Variants in FOXP2 observed in about 807,000 individuals in gnomAD.
FOXP2 encodes forkhead box P2.
Under a neutral mutation model 115.8 loss-of-function variants are expected in FOXP2, and 12 were observed. That is an observed-to-expected ratio of 0.10 (90% CI 0.07 to 0.17). The LOEUF (loss-of-function observed/expected upper bound fraction) is 0.17. FOXP2 is among the 10% of genes least tolerant of loss of function. The pLI is 1.00. For missense variants in FOXP2, 629 were observed against 843.5 expected (o/e 0.75, Z 3.15); for synonymous variants, 328 against 297.7 (o/e 1.10, Z -1.05).
chr7:114,512,418 A>C (rs1798121438), intron 2 of FOXP2, among the ~76,000 whole-genome samples: 1 of 152,112 alleles, frequency 6.6e-6, no homozygotes, highest in Admixed American at 6.6e-5. Flanking sequence ...GACTTAAGTA[A>C]TACTAACAGA....
chr7:114,253,729 G>T (rs549182359), intron 1 of FOXP2, among the ~76,000 whole-genome samples: 1 of 152,128 alleles, frequency 6.6e-6, no homozygotes, highest in Admixed American at 6.5e-5. Flanking sequence ...ACACTGATGG[G>T]TCTTGACTCT....
intron 1 of FOXP2, among the ~76,000 whole-genome samples, chr7:114,148,268 C>T (rs1792431845): frequency 6.6e-6 from 1 of 152,150 alleles, no homozygotes; most frequent in African/African-American, 2.4e-5. Flanking sequence ...TCTTCTCATC[C>T]AGGTCCTTTT....
chr7:114,608,868 A>T (rs1213833853), intron 3 of FOXP2, among the ~76,000 whole-genome samples: 2 of 152,168 alleles, frequency 1.3e-5, no homozygotes, highest in African/African-American at 4.8e-5. Context: ...TCACTACCAG[A>T]TGCAGAAGTT....
intron 2 of FOXP2, among the ~76,000 whole-genome samples, chr7:114,434,167 T>G (rs1203945767): frequency 6.6e-6 from 1 of 151,936 alleles, no homozygotes; most frequent in African/African-American, 2.4e-5. Context: ...ATCTAGTAGA[T>G]GTACTTGCTA....
At chr7:114,143,409 C>A (rs1180866913) in intron 1 of FOXP2, among the ~76,000 whole-genome samples, 1 of 151,904 alleles carries the variant, frequency 6.6e-6, no homozygotes, top group African/African-American at 2.4e-5. Context: ...TATAAATTAG[C>A]ATATTAGTTA....
chr7:114,556,783 A>C (rs1037360484), intron 3 of FOXP2, among the ~76,000 whole-genome samples: 6 of 152,202 alleles, frequency 3.9e-5, no homozygotes, highest in African/African-American at 1.4e-4. Context: ...GTTCACAACA[A>C]ATGCACTTCA....
intron 1 of FOXP2, among the ~76,000 whole-genome samples, chr7:114,130,583 A>T (rs1347091031): frequency 2.0e-5 from 3 of 152,246 alleles, no homozygotes; most frequent in African/African-American, 7.2e-5. Context: ...TAATATTGAT[A>T]TGAAAATGTA....
At chr7:114,526,798 A>G (rs1006961239) in intron 2 of FOXP2, among the ~76,000 whole-genome samples, 3 of 152,164 alleles carry the variant, frequency 2.0e-5, no homozygotes, top group Non-Finnish European at 4.4e-5. Context: ...TTATTGAGAT[A>G]TAATTTATGT....
chr7:114,215,472 C>T (rs1175240788), intron 1 of FOXP2, among the ~76,000 whole-genome samples: 1 of 151,994 alleles, frequency 6.6e-6, no homozygotes, highest in Non-Finnish European at 1.5e-5. Flanking sequence ...TTTTTAAGTT[C>T]AAAATGGTTA....
intron 2 of FOXP2, among the ~76,000 whole-genome samples, chr7:114,494,024 G>T (rs1177718635): frequency 1.3e-5 from 2 of 151,928 alleles, no homozygotes; most frequent in East Asian, 3.8e-4. Flanking sequence ...GAGGGTTTTT[G>T]AATTAACATA....
intron 2 of FOXP2, among the ~76,000 whole-genome samples, chr7:114,401,337 G>C (rs1792882489): frequency 1.3e-5 from 2 of 152,138 alleles, no homozygotes; most frequent in Non-Finnish European, 2.9e-5. Context: ...CTTCCAGAAA[G>C]TTTGCACTGA....
chr7:114,650,074 TG>T (rs989769381), intron 8 of FOXP2, among the ~76,000 whole-genome samples: 1 of 152,154 alleles, frequency 6.6e-6, no homozygotes, highest in African/African-American at 2.4e-5. Flanking sequence ...AAAACCTCAT[TG>T]ACTATTATTG....
chr7:114,169,182 C>G (rs895258100), intron 1 of FOXP2, among the ~76,000 whole-genome samples: 1 of 151,250 alleles, frequency 6.6e-6, no homozygotes, highest in African/African-American at 2.4e-5. Flanking sequence ...AGAGGGCCAC[C>G]GTCCTCCAGC....
chr7:114,345,471 G>C (rs1329894895), intron 2 of FOXP2, among the ~76,000 whole-genome samples: 4 of 151,786 alleles, frequency 2.6e-5, no homozygotes, highest in African/African-American at 9.7e-5. Context: ...GTTAACAGTT[G>C]TTTTCAAAGC....
At chr7:114,628,788 C>G (rs2129327039) in intron 4 of FOXP2, 111 bp downstream of exon 4, 2 of 1,285,972 alleles carry the variant, frequency 1.6e-6, no homozygotes, top group Non-Finnish European at 1.1e-6. Flanking sequence ...AAAGGACAAC[C>G]TATTAGCGTG....
intron 3 of FOXP2, among the ~76,000 whole-genome samples, chr7:114,552,883 C>T (rs540456285): frequency 6.6e-6 from 1 of 152,200 alleles, no homozygotes; most frequent in South Asian, 2.1e-4. Flanking sequence ...TATAACTTAG[C>T]TTTATCGCCT....
At position 114,457,396 on chromosome 7, in the gene FOXP2, T is replaced by TA. The variant is rs776899782; in HGVS notation, c.168+30726dup. 5.3e-3 allele frequency among the ~76,000 whole-genome samples: 808 copies of TA among 151,708 alleles called. 2 individuals carry two copies. The highest frequency in any genetic ancestry group is 9.2e-3 in the Non-Finnish European group (625 of 67,822). ...GTTCTCTACTTTTTATCCCCTTGATTAAAAAAAAATCATAATTTCCTTTTA... is the reference window on the plus strand; with the variant it reads ...GTTCTCTACTTTTTATCCCCTTGATTAAAAAAAAAATCATAATTTCCTTTTA... On this transcript the variant is annotated intron_variant, in intron 2 of 16. Coordinates refer to ENST00000350908, the MANE Select transcript of FOXP2 (RefSeq NM_014491.4).
At chr7:114,104,772 T>G (rs1205722746) in intron 1 of FOXP2, among the ~76,000 whole-genome samples, 1 of 152,024 alleles carries the variant, frequency 6.6e-6, no homozygotes, top group Non-Finnish European at 1.5e-5. Flanking sequence ...AAATATAGCA[T>G]TAGTTGGAGT....
intron 2 of FOXP2, among the ~76,000 whole-genome samples, chr7:114,493,058 G>T (rs183054179): frequency 3.3e-5 from 5 of 152,204 alleles, no homozygotes; most frequent in African/African-American, 9.6e-5. Flanking sequence ...CACTTTGTAG[G>T]TCTCTAAGGA....
Sources: allele counts gnomAD v4.1 joint callset (sites outside exome capture counted in the v4.1 genomes callset), GRCh38; gene constraint gnomAD v4.1.1; transcripts MANE v1.5; gene names NCBI Gene and HGNC (gene_info 2026-07-23, HGNC 2026-07-21).